KIR2DL3: variants seen among roughly 807,000 people sequenced by gnomAD.
KIR2DL3 encodes the protein killer cell immunoglobulin-like receptor 2DL3.
In KIR2DL3, 39 loss-of-function variants were observed where a neutral mutation model predicts 33.8. The observed-to-expected ratio is 1.15, with a 90% CI of 0.89 to 1.51. KIR2DL3 has a LOEUF of 1.51. KIR2DL3 is among the 40% of genes most tolerant of loss of function. KIR2DL3 has a pLI of 0.00. For missense variants in KIR2DL3, 462 were observed against 426.2 expected (o/e 1.08, Z -0.74); for synonymous variants, 174 against 160.2 (o/e 1.09, Z -0.65).
At chr19:54,740,543 T>C (rs2070846777) in intron 2 of KIR2DL3, among the ~76,000 whole-genome samples, 1 of 151,438 alleles carries the variant, frequency 6.6e-6, no homozygotes, top group South Asian at 2.1e-4. Context: ...CTGGTGATCG[T>C]GGTCATAGGT....
rs1343662918 is a variant in KIR2DL3 at position 54,739,536 on chromosome 19, C to T, written c.64C>T (p.His22Tyr). ...CTTCTTGCTGCAGGGGGCCTGGCCA[C>T]ATGAGGGTGAGTCCTTCTCCAAACC... ...GFFLLQGAWP[H>Y]EGVHRKPSLL... Residue 22 changes from histidine to tyrosine, a missense_variant, in exon 2 of 8, where the codon CAT becomes TAT. His to Tyr is a moderately conservative substitution (Grantham distance 83). Coordinates refer to ENST00000342376, the MANE Select transcript of KIR2DL3 (RefSeq NM_015868.3). 1 of 1,614,064 alleles carries T rather than the reference C, an allele frequency of 6.2e-7. No homozygotes were observed. Among genetic ancestry groups the T allele is most frequent in the South Asian group, 1.1e-5 (1 of 91,084 alleles).
Position 54,751,004 on chromosome 19 carries a change from C to A in KIR2DL3, c.716-645C>A, listed in dbSNP as rs867201510. 6.0e-4 allele frequency among the ~76,000 whole-genome samples: 79 copies of A among 131,166 alleles called. 3 individuals carry two copies. The highest frequency in any genetic ancestry group is 1.1e-3 in the African/African-American group (36 of 34,278). The allele number at this position is 131,166 out of a possible 152,430, so 86.0% of individuals were successfully genotyped here. A position where few individuals can be genotyped will look rare whatever the true frequency, so the allele number is the denominator to read the frequency against. Reference sequence around the variant, plus strand: ...TGAGACGTTCCTCCTGATCTCAGGACGTTGCTGTCTTAGTCCATTTTTGTT... The same window carrying A: ...TGAGACGTTCCTCCTGATCTCAGGAAGTTGCTGTCTTAGTCCATTTTTGTT... On this transcript the variant is annotated intron_variant, in intron 5 of 7. Transcript: ENST00000342376.
chr19:54,744,952 A>AT (rs1158879610), intron 4 of KIR2DL3, among the ~76,000 whole-genome samples: 9 of 27,224 alleles, frequency 3.3e-4, no homozygotes, highest in Admixed American at 1.3e-3. Flanking sequence ...ATATATATAT[A>AT]TATTTTTTTT....
rs190354163 is a variant in KIR2DL3, at chr19:54,752,589, C to T, written c.*70C>T. The T allele has an allele frequency of 9.8e-3, 14,245 of 1,447,562 alleles. 2,886 individuals carry two copies. Among genetic ancestry groups the T allele is most frequent in the Non-Finnish European group, 0.013 (13,394 of 1,062,116 alleles). 89.7% of individuals were successfully genotyped at this position (1,447,562 alleles called of 1,614,324 possible). On this transcript the variant is annotated 3_prime_UTR_variant, in exon 8 of 8. Transcript: ENST00000342376. ...GGGGATCTTCTAGGGAGACAACAGCCCTGTCTCAAAACTGGGTTGCCAGCT... is the reference window on the plus strand; with the variant it reads ...GGGGATCTTCTAGGGAGACAACAGCTCTGTCTCAAAACTGGGTTGCCAGCT...
chr19:54,748,423 G>A (rs2072903087), intron 5 of KIR2DL3, among the ~76,000 whole-genome samples: 1 of 140,228 alleles, frequency 7.1e-6, no homozygotes, highest in Non-Finnish European at 1.6e-5. Flanking sequence ...CACAAGCTAT[G>A]GAGGCTAGGA....
intron 3 of KIR2DL3, among the ~76,000 whole-genome samples, chr19:54,742,757 C>T (rs1336336413): frequency 0.028 from 4,259 of 151,134 alleles, 80 homozygotes; most frequent in Middle Eastern, 0.071. Flanking sequence ...GGAGAGTAAT[C>T]GTCCCAGGAT....
chr19:54,741,430 G>A (rs974220163), intron 2 of KIR2DL3, among the ~76,000 whole-genome samples: 2 of 152,154 alleles, frequency 1.3e-5, no homozygotes, highest in South Asian at 2.1e-4. Context: ...CCACCACCAG[G>A]CTCCATCCAC....
chr19:54,746,063 T>C (rs535467787), intron 4 of KIR2DL3, among the ~76,000 whole-genome samples: 1 of 133,498 alleles, frequency 7.5e-6, no homozygotes, highest in South Asian at 2.7e-4. Flanking sequence ...TTCACCCACC[T>C]CAGGCTCTCA....
intron 4 of KIR2DL3, among the ~76,000 whole-genome samples, chr19:54,745,064 G>T (rs1200180931): frequency 1.3e-5 from 2 of 149,344 alleles, no homozygotes; most frequent in Non-Finnish European, 3.0e-5. Flanking sequence ...CTGTATATGG[G>T]TGAGAAATGG....
At chr19:54,738,626 C>A (rs745451232) in intron 1 of KIR2DL3, 47 bp downstream of exon 1, 1 of 1,613,228 alleles carries the variant, frequency 6.2e-7, no homozygotes. Context: ...GGATGGAGAT[C>A]GGGGCCCAGA....
chr19:54,744,815 A>G (rs202130292), intron 4 of KIR2DL3, among the ~76,000 whole-genome samples: 14 of 137,360 alleles, frequency 1.0e-4, no homozygotes, highest in South Asian at 2.4e-4. Context: ...ATGAGCCACC[A>G]CGCCCAGCCA....
intron 6 of KIR2DL3, among the ~76,000 whole-genome samples, 169 bp downstream of exon 6, chr19:54,751,922 C>G (rs1427543268): frequency 7.5e-6 from 1 of 133,738 alleles, no homozygotes; most frequent in African/African-American, 2.8e-5. Flanking sequence ...CTGCCTTCAG[C>G]TCACAGACCA....
chr19:54,742,884 G>A (rs1203155075), intron 3 of KIR2DL3, among the ~76,000 whole-genome samples: 14 of 151,628 alleles, frequency 9.2e-5, no homozygotes, highest in African/African-American at 3.4e-4. Context: ...GAGAGGCACA[G>A]AGAAAAATCA....
At chr19:54,740,104 T>G (rs1421787674) in intron 2 of KIR2DL3, among the ~76,000 whole-genome samples, 1 of 152,206 alleles carries the variant, frequency 6.6e-6, no homozygotes. Context: ...GCTTTTGTTG[T>G]AGGGAGACAC....
chr19:54,742,051 C>G lies in KIR2DL3; in HGVS notation c.142C>G (p.Gln48Glu). 2 of 1,613,114 alleles carry G rather than the reference C, an allele frequency of 1.2e-6. No individual in the cohort carries two copies. The highest frequency in any genetic ancestry group is 2.2e-5 in the South Asian group (2 of 90,982). ...GAAATCAGAAGAGACAGTCATCCTG[C>G]AATGTTGGTCAGATGTCAGGTTTCA... Reference protein sequence around the residue: ...LVKSEETVILQCWSDVRFQHF... With the variant: ...LVKSEETVILECWSDVRFQHF... The change falls in exon 3 of 8, where the codon CAA becomes GAA. Residue 48 changes from glutamine (Q) to glutamate (E), a missense_variant. Coordinates refer to ENST00000342376, the MANE Select transcript of KIR2DL3 (RefSeq NM_015868.3).
chr19:54,751,507 GA>G, intron 5 of KIR2DL3, 141 bp from the exon 6 acceptor site: 1 of 723,156 alleles, frequency 1.4e-6, no homozygotes, highest in Non-Finnish European at 2.3e-6. Context: ...GAGAAAGCAG[GA>G]GAAAGCTGGG....
intron 5 of KIR2DL3, 82 bp downstream of exon 5, chr19:54,747,467 C>A: frequency 6.6e-7 from 1 of 1,509,174 alleles, no homozygotes. Context: ...CTCAGCATCT[C>A]GCAGCTCTGA....
chr19:54,742,587 A>G (rs1403701968), intron 3 of KIR2DL3, among the ~76,000 whole-genome samples: 8 of 152,042 alleles, frequency 5.3e-5, no homozygotes, highest in Admixed American at 2.0e-4. Flanking sequence ...CAGACCTGGC[A>G]CAGGTTAGAA....
In KIR2DL3 at chr19:54,752,388, C is replaced by G. The variant is rs775703717; in HGVS notation, c.895C>G (p.Gln299Glu). The change falls in exon 8 of 8, where the codon CAG becomes GAG. Residue 299 changes from glutamine (Q) to glutamate (E), a missense_variant. Transcript: ENST00000342376. ...CCAGGACTCTGATGAACAAGACCCT[C>G]AGGAGGTGACATATGCACAGTTGAA... is the stretch of plus-strand genomic sequence containing the variant. ...NREDSDEQDP[Q>E]EVTYAQLNHC... is the part of the protein sequence containing the mutation. 1.4e-6 allele frequency: 2 copies of G among 1,471,226 alleles called. No individual in the cohort carries two copies. The highest frequency in any genetic ancestry group is 1.9e-6 in the Non-Finnish European group (2 of 1,080,838). The allele number at this position is 1,471,226 out of a possible 1,614,324, so 91.1% of individuals were successfully genotyped here.
Sources: allele counts gnomAD v4.1 joint callset (sites outside exome capture counted in the v4.1 genomes callset), GRCh38; gene constraint gnomAD v4.1.1; transcripts MANE v1.5; gene names NCBI Gene and HGNC (gene_info 2026-07-23, HGNC 2026-07-21).